TAFA2: variants seen among roughly 807,000 people sequenced by gnomAD.
TAFA2 encodes the protein chemokine-like protein TAFA-2.
A neutral mutation model predicts 18.8 loss-of-function variants in TAFA2; 7 were observed. That is an observed-to-expected ratio of 0.37 (90% CI 0.21 to 0.70). The LOEUF (loss-of-function observed/expected upper bound fraction) is 0.70. Among genes scored for constraint, TAFA2 ranks in the 30% least tolerant of loss-of-function variants. The probability of loss-of-function intolerance (pLI) is 0.53; values close to 1 mark genes in which losing one functional copy is unlikely to be tolerated. For missense variants in TAFA2, 122 were observed against 158.1 expected (o/e 0.77, Z 1.23); for synonymous variants, 60 against 54.2 (o/e 1.11, Z -0.47).
chr12:61,856,301 C>T (rs190393701), intron 2 of TAFA2, among the ~76,000 whole-genome samples: 53 of 151,896 alleles, frequency 3.5e-4, no homozygotes, highest in African/African-American at 1.3e-3. Context: ...TTATAAAGAG[C>T]TCTTATAAAG....
At chr12:61,742,695 A>C (rs925193784) in intron 4 of TAFA2, among the ~76,000 whole-genome samples, 6 of 152,180 alleles carry the variant, frequency 3.9e-5, no homozygotes, top group Non-Finnish European at 5.9e-5. Flanking sequence ...GCTATATATC[A>C]AATTATCCTC....
chr12:61,862,286 CCCT>C (rs1457524811), intron 2 of TAFA2, among the ~76,000 whole-genome samples: 1 of 152,216 alleles, frequency 6.6e-6, no homozygotes, highest in Non-Finnish European at 1.5e-5. Context: ...CTGACTTAAT[CCCT>C]TCCAAAATGC....
At chr12:61,793,681 T>C (rs909121542) in intron 2 of TAFA2, among the ~76,000 whole-genome samples, 6 of 151,784 alleles carry the variant, frequency 4.0e-5, no homozygotes, top group African/African-American at 1.4e-4. Flanking sequence ...GAAGAAATTA[T>C]ACCAATTCTA....
intron 1 of TAFA2, among the ~76,000 whole-genome samples, chr12:62,047,904 T>C (rs185239812): frequency 3.1e-4 from 47 of 152,302 alleles, no homozygotes; most frequent in Non-Finnish European, 5.0e-4. Flanking sequence ...TCTAGATGTG[T>C]AGGTCTTCAA....
Position 61,793,032 on chromosome 12 carries a change from C to T in TAFA2, c.107-38008G>A, listed in dbSNP as rs139875218. 1.4e-3 allele frequency among the ~76,000 whole-genome samples: 206 copies of T among 151,464 alleles called. 1 individual carries two copies. Among genetic ancestry groups the T allele is most frequent in the African/African-American group, 4.6e-3 (189 of 41,412 alleles). On this transcript the variant is annotated intron_variant, in intron 2 of 4. Coordinates refer to ENST00000416284, the MANE Select transcript of TAFA2 (RefSeq NM_178539.5). ...AGTTCTAAATTACTCGAGTGAAATACGTTATAGAAAGGGAAATTAAAACTT... is the reference window on the plus strand; with the variant it reads ...AGTTCTAAATTACTCGAGTGAAATATGTTATAGAAAGGGAAATTAAAACTT...
At chr12:61,983,340 C>T (rs546577215) in intron 1 of TAFA2, among the ~76,000 whole-genome samples, 20 of 152,102 alleles carry the variant, frequency 1.3e-4, no homozygotes, top group Non-Finnish European at 2.6e-4. Context: ...ACAATATAAA[C>T]CAGGAAGGGG....
intron 1 of TAFA2, among the ~76,000 whole-genome samples, chr12:62,159,941 G>A (rs976712155): frequency 8.5e-5 from 13 of 152,290 alleles, no homozygotes; most frequent in African/African-American, 2.9e-4. Context: ...CATGATATGC[G>A]TGTTTCTGCA....
At chr12:62,181,594 C>A (rs2062552036) in intron 1 of TAFA2, among the ~76,000 whole-genome samples, 1 of 152,182 alleles carries the variant, frequency 6.6e-6, no homozygotes, top group African/African-American at 2.4e-5. Context: ...ACTGACATGT[C>A]TAAATCTAAT....
chr12:61,753,787 GGGACTTAT>G (rs1303227064), intron 3 of TAFA2, 41 bp from the exon 4 acceptor site: 7 of 1,575,430 alleles, frequency 4.4e-6, no homozygotes, highest in Middle Eastern at 3.4e-4. Context: ...TTTTTTTCTT[GGGACTTAT>G]TTCTCTTGTT....
At chr12:62,019,668 T>C (rs1592553417) in intron 1 of TAFA2, among the ~76,000 whole-genome samples, 1 of 84,628 alleles carries the variant, frequency 1.2e-5, no homozygotes, top group Non-Finnish European at 2.3e-5. Flanking sequence ...CGGGGACTGT[T>C]GTGGGGTGGG....
intron 1 of TAFA2, among the ~76,000 whole-genome samples, chr12:62,012,309 G>T (rs1457745499): frequency 1.3e-5 from 2 of 151,166 alleles, no homozygotes; most frequent in Admixed American, 6.6e-5. Context: ...CATTTTGCCT[G>T]TAATAAAACT....
At position 62,089,576 on chromosome 12, in the gene TAFA2, G is replaced by A. The variant is rs190285940; in HGVS notation, c.-2+101683C>T. ...ATAAAGAAAGAGTGAGAGAAAGGGA[G>A]CGAGCGAGGGAGAGAAAGGATGGGG... On this transcript the variant is annotated intron_variant, in intron 1 of 4. Transcript: ENST00000416284. Among the ~76,000 whole-genome samples the A allele has an allele frequency of 4.3e-4, 66 of 152,136 alleles. No individual in the cohort carries two copies. In the East Asian group the frequency reaches 0.012, roughly 27 times the overall value.
At position 62,123,401 on chromosome 12, in the gene TAFA2, A is replaced by T. The variant is rs148910101; in HGVS notation, c.-2+67858T>A. On this transcript the variant is annotated intron_variant, in intron 1 of 4. Coordinates refer to ENST00000416284, the MANE Select transcript of TAFA2 (RefSeq NM_178539.5). ...AAGGTAATAGACTGAAGAAGGGAAT[A>T]AAAAAAAAAGCTTTCACTGGGAAAT... 4.7e-3 allele frequency among the ~76,000 whole-genome samples: 692 copies of T among 148,028 alleles called. 6 individuals are homozygous for T. Among genetic ancestry groups the T allele is most frequent in the African/African-American group, 0.016 (637 of 40,762 alleles).
intron 1 of TAFA2, among the ~76,000 whole-genome samples, chr12:61,871,963 G>A (rs1344001148): frequency 5.9e-5 from 9 of 152,120 alleles, no homozygotes; most frequent in Non-Finnish European, 5.9e-5. Flanking sequence ...GTGGTGGCGG[G>A]CGCCTGTAGT....
chr12:62,056,383 T>G (rs1882188521), intron 1 of TAFA2, among the ~76,000 whole-genome samples: 1 of 152,234 alleles, frequency 6.6e-6, no homozygotes, highest in African/African-American at 2.4e-5. Flanking sequence ...TATTTAGACA[T>G]TGAAAAGTTC....
intron 2 of TAFA2, among the ~76,000 whole-genome samples, chr12:61,807,118 A>C (rs1239651562): frequency 6.6e-6 from 1 of 151,386 alleles, no homozygotes; most frequent in African/African-American, 2.5e-5. Flanking sequence ...TCTTCATAGC[A>C]GGACCTCCCA....
chr12:61,907,593 G>A (rs748438667), intron 1 of TAFA2, among the ~76,000 whole-genome samples: 30 of 152,330 alleles, frequency 2.0e-4, no homozygotes, highest in Non-Finnish European at 2.9e-4. Context: ...GAAATGTGGT[G>A]TTGGAACCCT....
chr12:61,986,157 T>TA (rs1229235116), intron 1 of TAFA2, among the ~76,000 whole-genome samples: 1 of 142,998 alleles, frequency 7.0e-6, no homozygotes, highest in Non-Finnish European at 1.5e-5. Context: ...TCTAAGCTCT[T>TA]CTTTTTTTTT....
intron 4 of TAFA2, among the ~76,000 whole-genome samples, chr12:61,731,529 C>T (rs572517683): frequency 5.3e-5 from 8 of 152,040 alleles, no homozygotes; most frequent in Non-Finnish European, 8.8e-5. Context: ...AACTGCTGCT[C>T]ATTCTGTTAC....
Sources: allele counts gnomAD v4.1 joint callset (sites outside exome capture counted in the v4.1 genomes callset), GRCh38; gene constraint gnomAD v4.1.1; transcripts MANE v1.5; gene names NCBI Gene and HGNC (gene_info 2026-07-23, HGNC 2026-07-21).